Variants in PPP3CA observed in about 807,000 individuals in gnomAD.
The protein encoded by PPP3CA is CAM-PRP catalytic subunit.
Under a neutral mutation model 66.5 loss-of-function variants are expected in PPP3CA, and 14 were observed. The observed-to-expected ratio is 0.21, with a 90% confidence interval of 0.14 to 0.33. The LOEUF (loss-of-function observed/expected upper bound fraction) is 0.33. Ranked by LOEUF, PPP3CA falls within the 10% of genes least tolerant of loss-of-function variation. The pLI, the probability that PPP3CA is intolerant of heterozygous loss-of-function variation, is 1.00. For missense variants in PPP3CA, 317 were observed against 639.5 expected (o/e 0.50, Z 5.44); for synonymous variants, 232 against 226.2 (o/e 1.03, Z -0.23).
rs934187452 is a variant in PPP3CA at position 101,024,615 on chromosome 4, A to G, written c.*1250T>C. ...CATGACAGAACAGAACAAAATAACT[A>G]AACTGTTATGACATTAACAGTTGCC... On this transcript the variant is annotated 3_prime_UTR_variant, in exon 14 of 14. Coordinates refer to ENST00000394854, the MANE Select transcript of PPP3CA (RefSeq NM_000944.5). 3.3e-5 allele frequency: 5 copies of G among 152,672 alleles called. No individual in the cohort carries two copies. Among genetic ancestry groups the G allele is most frequent in the Non-Finnish European group, 7.3e-5 (5 of 68,042 alleles). 9.5% of individuals were successfully genotyped at this position (152,672 alleles called of 1,614,324 possible).
chr4:101,302,226 CA>C lies in PPP3CA; in HGVS notation c.58+44512del, dbSNP rs1249693838. On this transcript the variant is annotated intron_variant, in intron 1 of 13. Transcript: ENST00000394854. ...AATGTTGCTCAAATGAAGCATCAAG[CA>C]TCAGCTCCCTCATTAGCCAGCTGTG... Among the ~76,000 whole-genome samples the C allele has an allele frequency of 1.9e-4, 29 of 152,300 alleles. No individual in the cohort carries two copies. In the East Asian group the frequency reaches 4.8e-3, roughly 25 times the overall value.
chr4:101,036,470 G>A (rs1308927313), intron 11 of PPP3CA, among the ~76,000 whole-genome samples: 1 of 151,790 alleles, frequency 6.6e-6, no homozygotes, highest in Non-Finnish European at 1.5e-5. Flanking sequence ...GGAGTGCAGT[G>A]GCGCAATCTC....
In PPP3CA at chr4:101,222,299, T is replaced by C. The variant is rs557669844; in HGVS notation, c.59-26183A>G. On this transcript the variant is annotated intron_variant, in intron 1 of 13. Coordinates refer to ENST00000394854, the MANE Select transcript of PPP3CA (RefSeq NM_000944.5). ...AAATATATATGTGAGAACCACATGA[T>C]AATATAAGTGGACGCAATTCATTTC... 3.3e-5 allele frequency among the ~76,000 whole-genome samples: 5 copies of C among 151,660 alleles called. No individual in the cohort carries two copies. The South Asian group carries it at 6.2e-4, about 19-fold the overall frequency.
chr4:101,073,424 G>A (rs1266006836), intron 8 of PPP3CA, among the ~76,000 whole-genome samples: 2 of 151,676 alleles, frequency 1.3e-5, no homozygotes, highest in African/African-American at 2.4e-5. Flanking sequence ...CTACAGGTGC[G>A]GGCCACCACA....
At chr4:101,191,202 G>T (rs1227702554) in intron 2 of PPP3CA, among the ~76,000 whole-genome samples, 1 of 152,078 alleles carries the variant, frequency 6.6e-6, no homozygotes, top group Non-Finnish European at 1.5e-5. Flanking sequence ...AACTCTGGAG[G>T]CAGAACTCAG....
intron 8 of PPP3CA, among the ~76,000 whole-genome samples, chr4:101,072,842 A>G (rs951673747): frequency 1.3e-5 from 2 of 151,306 alleles, no homozygotes; most frequent in African/African-American, 4.9e-5. Context: ...AGGCTGAGGC[A>G]GGAGAATGGT....
intron 1 of PPP3CA, among the ~76,000 whole-genome samples, chr4:101,256,518 T>C (rs1384218772): frequency 6.6e-6 from 1 of 152,014 alleles, no homozygotes; most frequent in African/African-American, 2.4e-5. Context: ...AGGCAAATAT[T>C]TGGCTAGCAA....
At chr4:101,314,436 C>A (rs969979710) in intron 1 of PPP3CA, among the ~76,000 whole-genome samples, 1 of 151,820 alleles carries the variant, frequency 6.6e-6, no homozygotes, top group African/African-American at 2.4e-5. Flanking sequence ...TGGTGGCGGG[C>A]ACCTGTAGTC....
chr4:101,234,355 G>A (rs759904253), intron 1 of PPP3CA, among the ~76,000 whole-genome samples: 1 of 151,792 alleles, frequency 6.6e-6, no homozygotes, highest in Non-Finnish European at 1.5e-5. Context: ...CACCAACAAT[G>A]TATAAGGGTT....
At chr4:101,099,904 C>T (rs1271905535) in intron 3 of PPP3CA, among the ~76,000 whole-genome samples, 182 bp from the exon 4 acceptor site, 5 of 151,334 alleles carry the variant, frequency 3.3e-5, no homozygotes, top group Non-Finnish European at 7.4e-5. Context: ...TGGTAAAAAG[C>T]CAAGGTCCAT....
At chr4:101,031,985 T>C (rs1726987108) in intron 12 of PPP3CA, among the ~76,000 whole-genome samples, 1 of 152,262 alleles carries the variant, frequency 6.6e-6, no homozygotes, top group Non-Finnish European at 1.5e-5. Context: ...ATTGTGCATG[T>C]AGGCAACCTA....
At chr4:101,307,842 G>A (rs1191382735) in intron 1 of PPP3CA, among the ~76,000 whole-genome samples, 1 of 152,074 alleles carries the variant, frequency 6.6e-6, no homozygotes, top group African/African-American at 2.4e-5. Flanking sequence ...CTTTTTTAAG[G>A]ACAAACTTCT....
chr4:101,175,490 T>C lies in PPP3CA; in HGVS notation c.259+20426A>G, dbSNP rs891948604. 4.6e-5 allele frequency among the ~76,000 whole-genome samples: 7 copies of C among 152,300 alleles called. No individual in the cohort carries two copies. In the Middle Eastern group the frequency reaches 0.01, roughly 222 times the overall value. On this transcript the variant is annotated intron_variant, in intron 2 of 13. Transcript: ENST00000394854. Reference sequence around the variant, plus strand: ...GGCAGGTCCACCATTCCTTTCAACATACTACCTGATTTGGTTTTAGCCTTA... The same window carrying C: ...GGCAGGTCCACCATTCCTTTCAACACACTACCTGATTTGGTTTTAGCCTTA...
At chr4:101,037,478 C>T (rs960434678) in intron 11 of PPP3CA, among the ~76,000 whole-genome samples, 5 of 152,154 alleles carry the variant, frequency 3.3e-5, no homozygotes, top group African/African-American at 4.8e-5. Flanking sequence ...TCATTAATCA[C>T]GTCCTGTTTT....
chr4:101,277,529 A>G (rs1727540918), intron 1 of PPP3CA, among the ~76,000 whole-genome samples: 1 of 152,220 alleles, frequency 6.6e-6, no homozygotes, highest in Non-Finnish European at 1.5e-5. Flanking sequence ...ATAATATAGT[A>G]TGCAAAAGTT....
chr4:101,178,947 C>T (rs1444137178), intron 2 of PPP3CA, among the ~76,000 whole-genome samples: 1 of 152,114 alleles, frequency 6.6e-6, no homozygotes, highest in Non-Finnish European at 1.5e-5. Flanking sequence ...CACTCTTAGT[C>T]AGCAGATAAT....
intron 2 of PPP3CA, among the ~76,000 whole-genome samples, chr4:101,125,282 C>A (rs1033350114): frequency 6.6e-6 from 1 of 152,196 alleles, no homozygotes; most frequent in African/African-American, 2.4e-5. Flanking sequence ...AGGAAGCCTG[C>A]CTCTTTCACT....
intron 8 of PPP3CA, among the ~76,000 whole-genome samples, chr4:101,069,021 A>C (rs975069609): frequency 6.6e-6 from 1 of 152,028 alleles, no homozygotes; most frequent in Non-Finnish European, 1.5e-5. Flanking sequence ...ATTTTCAGTA[A>C]ATGACTAAAT....
chr4:101,082,015 A>G (rs768940281), intron 7 of PPP3CA, among the ~76,000 whole-genome samples: 2 of 152,232 alleles, frequency 1.3e-5, no homozygotes, highest in Non-Finnish European at 2.9e-5. Flanking sequence ...AAAATACTTG[A>G]TATTAACTGA....
Sources: allele counts gnomAD v4.1 joint callset (sites outside exome capture counted in the v4.1 genomes callset), GRCh38; gene constraint gnomAD v4.1.1; transcripts MANE v1.5; gene names NCBI Gene and HGNC (gene_info 2026-07-23, HGNC 2026-07-21).